RORA: variants seen among roughly 807,000 people sequenced by gnomAD.
RORA encodes the protein RAR related orphan receptor A.
In RORA, 7 loss-of-function variants were observed where a neutral mutation model predicts 69.5. The observed-to-expected ratio is 0.10, with a 90% CI of 0.06 to 0.19. The LOEUF (loss-of-function observed/expected upper bound fraction) is 0.19, where lower values mean the gene tolerates loss of function less well. Among genes scored for constraint, RORA ranks in the 10% least tolerant of loss-of-function variants. The pLI, the probability that RORA is intolerant of heterozygous loss-of-function variation, is 1.00. For missense variants in RORA, 457 were observed against 663.0 expected (o/e 0.69, Z 3.41); for synonymous variants, 261 against 240.8 (o/e 1.08, Z -0.78).
intron 2 of RORA, among the ~76,000 whole-genome samples, chr15:60,650,224 G>T (rs115606622): frequency 0.011 from 1,649 of 152,102 alleles, 38 homozygotes; most frequent in East Asian, 0.084. Flanking sequence ...AAAAAAAAGT[G>T]GAGCTACCAC....
At chr15:60,555,239 T>G (rs574956390) in intron 2 of RORA, among the ~76,000 whole-genome samples, 1 of 152,300 alleles carries the variant, frequency 6.6e-6, no homozygotes, top group South Asian at 2.1e-4. Context: ...ATTAAATGCA[T>G]TACTCTTACC....
intron 1 of RORA, among the ~76,000 whole-genome samples, chr15:61,029,759 G>T (rs1048757260): frequency 3.3e-5 from 5 of 152,166 alleles, no homozygotes; most frequent in African/African-American, 1.2e-4. Flanking sequence ...TGGGAGACAG[G>T]ACACTGTAAG....
At chr15:60,981,435 G>C (rs923589297) in intron 1 of RORA, among the ~76,000 whole-genome samples, 3 of 151,768 alleles carry the variant, frequency 2.0e-5, no homozygotes, top group Non-Finnish European at 4.4e-5. Context: ...GCTCTTTATG[G>C]GTGTATTGAT....
In RORA at chr15:61,119,089, G is replaced by C. The variant is rs959852882; in HGVS notation, c.166+109964C>G. The stretch of plus-strand genomic sequence containing the variant: ...AAGATGCAGTTAACAGAAGGGGGGG[G>C]GGGGCGCCATGGAGCAGTCGTGTGA... On this transcript the variant is annotated intron_variant, in intron 1 of 10. Coordinates refer to ENST00000335670, the MANE Select transcript of RORA (RefSeq NM_134261.3). 9.7e-4 allele frequency among the ~76,000 whole-genome samples: 145 copies of C among 149,634 alleles called. 1 individual carries two copies. The highest frequency in any genetic ancestry group is 7.1e-3 in the South Asian group (33 of 4,618).
chr15:61,210,220 G>A (rs923330981), intron 1 of RORA, among the ~76,000 whole-genome samples: 1 of 152,178 alleles, frequency 6.6e-6, no homozygotes, highest in Admixed American at 6.5e-5. Flanking sequence ...GAAGTATACT[G>A]ATGATCTTAC....
At chr15:61,004,406 GC>G (rs1301490546) in intron 1 of RORA, among the ~76,000 whole-genome samples, 2 of 148,140 alleles carry the variant, frequency 1.4e-5, no homozygotes, top group African/African-American at 5.0e-5. Flanking sequence ...CTAAAAATAA[GC>G]CTGCGACCTT....
At chr15:61,011,795 C>T (rs1292974371) in intron 1 of RORA, among the ~76,000 whole-genome samples, 2 of 152,226 alleles carry the variant, frequency 1.3e-5, no homozygotes, top group African/African-American at 4.8e-5. Flanking sequence ...CAAGTGCCCA[C>T]TTAAGGATTC....
At chr15:60,692,690 C>A (rs1298907499) in intron 1 of RORA, among the ~76,000 whole-genome samples, 1 of 152,170 alleles carries the variant, frequency 6.6e-6, no homozygotes, top group Non-Finnish European at 1.5e-5. Flanking sequence ...TAGGGCAGTT[C>A]ATTCCACTGT....
chr15:61,016,915 T>C (rs901735468), intron 1 of RORA, among the ~76,000 whole-genome samples: 25 of 152,138 alleles, frequency 1.6e-4, no homozygotes, highest in African/African-American at 5.6e-4. Context: ...GGTTGCCCCA[T>C]ATATACTCAG....
At chr15:61,210,020 G>A (rs1186486254) in intron 1 of RORA, among the ~76,000 whole-genome samples, 2 of 152,198 alleles carry the variant, frequency 1.3e-5, no homozygotes, top group African/African-American at 4.8e-5. Flanking sequence ...GCCTTAAAGT[G>A]ATGCCTGTCT....
At chr15:60,681,844 A>T (rs1014258561) in intron 1 of RORA, 1 of 152,210 alleles carries the variant, frequency 6.6e-6, no homozygotes, top group African/African-American at 2.4e-5. Flanking sequence ...CAGAAAAAAA[A>T]TCGTATGCAA....
chr15:61,055,123 C>T (rs1242793782), intron 1 of RORA, among the ~76,000 whole-genome samples: 1 of 152,132 alleles, frequency 6.6e-6, no homozygotes, highest in Non-Finnish European at 1.5e-5. Context: ...AGGTGTGAGC[C>T]ACCGTGCCCG....
intron 2 of RORA, chr15:60,678,412 G>A (rs2070586708): frequency 4.9e-6 from 2 of 410,384 alleles, no homozygotes; most frequent in Non-Finnish European, 8.8e-6. Flanking sequence ...TTTTTCTAAA[G>A]CTTCATGGCT....
chr15:60,557,125 A>T (rs1349839444), intron 2 of RORA, among the ~76,000 whole-genome samples: 1 of 152,174 alleles, frequency 6.6e-6, no homozygotes. Flanking sequence ...TTCTAAAGAA[A>T]CTTGTTCTAC....
At chr15:60,619,652 C>T (rs1318133264) in intron 2 of RORA, among the ~76,000 whole-genome samples, 2 of 152,214 alleles carry the variant, frequency 1.3e-5, no homozygotes, top group Non-Finnish European at 2.9e-5. Flanking sequence ...AGCGGGAGTT[C>T]TGCCTACAAG....
At chr15:61,187,527 G>C (rs2079756044) in intron 1 of RORA, among the ~76,000 whole-genome samples, 1 of 152,202 alleles carries the variant, frequency 6.6e-6, no homozygotes, top group African/African-American at 2.4e-5. Context: ...GATGGGAAGT[G>C]GGCCCGTGTT....
In RORA at chr15:60,679,717, C is replaced by T. The variant is rs539328325; in HGVS notation, c.167-1031G>A. On this transcript the variant is annotated intron_variant, in intron 1 of 10. Transcript: ENST00000335670. ...CCTATTACTTAGCTAGGGAACATGT[C>T]GTACGGGGAAGAAATCTGTTGTGAA... Among the ~76,000 whole-genome samples, 5 of 152,082 alleles carry T rather than the reference C, an allele frequency of 3.3e-5. No homozygotes were observed. In the South Asian group the frequency reaches 8.3e-4, roughly 25 times the overall value.
chr15:60,500,012 T>A lies in RORA; in HGVS notation c.1295-8A>T. 1 of 1,561,556 alleles carries A rather than the reference T, an allele frequency of 6.4e-7. No individual in the cohort carries two copies. Among genetic ancestry groups the A allele is most frequent in the Non-Finnish European group, 8.8e-7 (1 of 1,137,570 alleles). ...CTTGCAGCCATGAGCGATCTAAGCA[T>A]AAAAAAATGATATTCTTTAGCATTC... On this transcript the variant is annotated splice_region_variant and splice_polypyrimidine_tract_variant and intron_variant, in intron 9 of 10. Transcript: ENST00000335670.
chr15:60,914,544 G>A (rs139972641), intron 1 of RORA, among the ~76,000 whole-genome samples: 1 of 152,300 alleles, frequency 6.6e-6, no homozygotes, highest in African/African-American at 2.4e-5. Flanking sequence ...ACCTATCACA[G>A]TACTTGGCAC....
Sources: allele counts gnomAD v4.1 joint callset (sites outside exome capture counted in the v4.1 genomes callset), GRCh38; gene constraint gnomAD v4.1.1; transcripts MANE v1.5; gene names NCBI Gene and HGNC (gene_info 2026-07-23, HGNC 2026-07-21).